EGLN1: variants seen among roughly 807,000 people sequenced by gnomAD.
EGLN1 encodes egl-9 family hypoxia inducible factor 1.
Under a neutral mutation model 38.3 loss-of-function variants are expected in EGLN1, and 17 were observed. The observed-to-expected ratio is 0.44, with a 90% CI of 0.30 to 0.67. The LOEUF is 0.67. Ranked by LOEUF, EGLN1 falls within the 30% of genes least tolerant of loss-of-function variation. EGLN1 has a pLI of 0.08. For missense variants in EGLN1, 477 were observed against 603.3 expected, an observed-to-expected ratio of 0.79 and a Z score of 2.19; for synonymous variants, 283 against 257.5, an observed-to-expected ratio of 1.10 and a Z score of -0.95.
chr1:231,406,330 A>G (rs1688794288), intron 1 of EGLN1, among the ~76,000 whole-genome samples: 1 of 152,094 alleles, frequency 6.6e-6, no homozygotes, highest in African/African-American at 2.4e-5. Flanking sequence ...TATTAGTGAT[A>G]AAGACTCTCA....
Position 231,421,015 on chromosome 1 carries a change from T to C in EGLN1, c.874A>G (p.Ile292Val). ...ACACTTACTTTCGTCCGGCCATTGA[T>C]TTTGTAGCTGCCCAGCTTCCCGTTA... ...HCNGKLGSYK[I>V]NGRTKAMVAC... Residue 292 changes from isoleucine to valine, a missense_variant, in exon 1 of 5, where the codon ATC (isoleucine) becomes GTC (valine). Physicochemically the swap from Ile to Val is conservative, Grantham distance 29. This residue lies in a region of EGLN1 where 119 missense variants were observed against 179.0 expected (regional missense o/e 0.66). Coordinates refer to ENST00000366641, the MANE Select transcript of EGLN1 (RefSeq NM_022051.3). The surrounding 1 kb of genome is among the most constrained non-coding windows in gnomAD (Gnocchi z 5.5). 6.2e-7 allele frequency: 1 copy of C among 1,613,804 alleles called. No individual in the cohort carries two copies. The highest frequency in any genetic ancestry group is 8.5e-7 in the Non-Finnish European group (1 of 1,179,974).
chr1:231,394,503 C>G (rs12747398), intron 1 of EGLN1, among the ~76,000 whole-genome samples: 1 of 149,428 alleles, frequency 6.7e-6, no homozygotes, highest in African/African-American at 2.5e-5. Context: ...CTCAGCCTCC[C>G]GAGTAGCTGG....
intron 2 of EGLN1, among the ~76,000 whole-genome samples, chr1:231,371,289 T>C (rs1462810249): frequency 6.6e-6 from 1 of 152,114 alleles, no homozygotes; most frequent in Non-Finnish European, 1.5e-5. Context: ...CTACTAAACG[T>C]TTATTTTTGT....
At chr1:231,379,694 A>T (rs1688034853) in intron 1 of EGLN1, among the ~76,000 whole-genome samples, 1 of 152,162 alleles carries the variant, frequency 6.6e-6, no homozygotes, top group Non-Finnish European at 1.5e-5. Flanking sequence ...CCAAAGATGC[A>T]CACATTGGGA....
chr1:231,372,552 T>C (rs1297754927), intron 2 of EGLN1, among the ~76,000 whole-genome samples: 1 of 152,224 alleles, frequency 6.6e-6, no homozygotes, highest in Non-Finnish European at 1.5e-5. Flanking sequence ...AAAGTCAATT[T>C]TTAAATTTTA....
chr1:231,366,293 T>G lies in EGLN1; in HGVS notation c.*118A>C. 8 of 1,163,792 alleles carry G rather than the reference T, an allele frequency of 6.9e-6. No individual in the cohort carries two copies. The highest frequency in any genetic ancestry group is 1.0e-5 in the Non-Finnish European group (8 of 788,648). The allele number at this position is 1,163,792 out of a possible 1,614,324, so 72.1% of individuals were successfully genotyped here. ...TGCAACACAAAAAGTTGTTTCTGTT[T>G]CCTTATTAAAATGCGAACTGGTTGT... On this transcript the variant is annotated 3_prime_UTR_variant, in exon 5 of 5. Transcript: ENST00000366641.
intron 2 of EGLN1, among the ~76,000 whole-genome samples, chr1:231,372,185 C>A (rs1021044413): frequency 6.6e-6 from 1 of 152,202 alleles, no homozygotes; most frequent in African/African-American, 2.4e-5. Context: ...TGCTCCATAG[C>A]AATCTGTCTT....
intron 1 of EGLN1, among the ~76,000 whole-genome samples, chr1:231,382,768 G>A (rs954150710): frequency 2.0e-5 from 3 of 152,264 alleles, no homozygotes; most frequent in Middle Eastern, 3.4e-3. Flanking sequence ...CATAAAAGGT[G>A]CTTGGCAGGC....
chr1:231,414,491 TAAAG>T (rs1689026099), intron 1 of EGLN1, among the ~76,000 whole-genome samples: 1 of 152,094 alleles, frequency 6.6e-6, no homozygotes, highest in Non-Finnish European at 1.5e-5. Flanking sequence ...CAGCTCCTAC[TAAAG>T]AAACAAGAGA....
Position 231,421,713 on chromosome 1 carries a change from T to A in EGLN1, c.176A>T (p.Gln59Leu). 6.6e-7 allele frequency: 1 copy of A among 1,524,716 alleles called. No individual in the cohort carries two copies. 94.4% of individuals were successfully genotyped at this position (1,524,716 alleles called of 1,614,324 possible). A position where few individuals can be genotyped will look rare whatever the true frequency, so the allele number is the denominator to read the frequency against. The change falls in exon 1 of 5, where the codon CAG (glutamine) becomes CTG (leucine). Residue 59 changes from glutamine to leucine, a missense_variant. Gln to Leu is a moderately radical substitution (Grantham distance 113). This residue lies in a region of EGLN1 where 298 missense variants were observed against 288.9 expected (regional missense o/e 1.03). Transcript: ENST00000366641. This position sits in a 1 kb window ranked among gnomAD's most constrained non-coding sequence, Gnocchi z 5.5. ...QDWKKHKLVC[Q>L]GSEGALGHGV... ...GTGGCCGAGGGCGCCCTCGCTGCCC[T>A]GGCACACGAGCTTGTGCTTCTTCCA...
In EGLN1 at chr1:231,367,563, G is replaced by A. The variant is rs376628693; in HGVS notation, c.1216+6C>T. On this transcript the variant is annotated splice_donor_region_variant and intron_variant, in intron 4 of 4. Coordinates refer to ENST00000366641, the MANE Select transcript of EGLN1 (RefSeq NM_022051.3). ...CCAATATATCCTGGCCCCAAATGAC[G>A]TTTACCTGTTAGATATTTTACTTTA... 31 of 1,613,774 alleles carry A rather than the reference G, an allele frequency of 1.9e-5. No homozygotes were observed. Among genetic ancestry groups the A allele is most frequent in the Non-Finnish European group, 2.3e-5 (27 of 1,179,860 alleles).
chr1:231,388,009 T>C (rs1022374029), intron 1 of EGLN1, among the ~76,000 whole-genome samples: 1 of 152,230 alleles, frequency 6.6e-6, no homozygotes, highest in African/African-American at 2.4e-5. Flanking sequence ...ATCAATATCA[T>C]TGTATGTAAA....
At chr1:231,394,003 A>G (rs1363256172) in intron 1 of EGLN1, among the ~76,000 whole-genome samples, 3 of 152,214 alleles carry the variant, frequency 2.0e-5, no homozygotes, top group Admixed American at 1.3e-4. Flanking sequence ...CAGGATATGT[A>G]GCCTTTTCAT....
intron 1 of EGLN1, among the ~76,000 whole-genome samples, chr1:231,382,174 G>A (rs1208419514): frequency 6.6e-6 from 1 of 152,180 alleles, no homozygotes; most frequent in Non-Finnish European, 1.5e-5. Context: ...AGCAGGTACT[G>A]CACTAGGCAT....
At chr1:231,381,177 G>C (rs143962593) in intron 1 of EGLN1, among the ~76,000 whole-genome samples, 79 of 152,230 alleles carry the variant, frequency 5.2e-4, no homozygotes, top group African/African-American at 1.8e-3. Context: ...AAAGTACTGG[G>C]ATTACAGGTG....
chr1:231,411,648 AC>A, intron 1 of EGLN1, among the ~76,000 whole-genome samples: 1 of 152,112 alleles, frequency 6.6e-6, no homozygotes, highest in Middle Eastern at 3.4e-3. Flanking sequence ...GTTTACCCAT[AC>A]TTTTGTGACC....
intron 1 of EGLN1, among the ~76,000 whole-genome samples, chr1:231,414,066 AT>A (rs954656828): frequency 2.7e-4 from 41 of 151,762 alleles, no homozygotes; most frequent in Non-Finnish European, 3.4e-4. Flanking sequence ...ATCTATATCA[AT>A]TTTTTTTTAG....
intron 1 of EGLN1, among the ~76,000 whole-genome samples, chr1:231,383,263 A>G (rs1228055468): frequency 6.6e-6 from 1 of 152,090 alleles, no homozygotes. Context: ...AGAGATTTGT[A>G]ACACTCATTT....
chr1:231,373,339 C>A (rs1459510669), intron 2 of EGLN1, among the ~76,000 whole-genome samples: 1 of 152,090 alleles, frequency 6.6e-6, no homozygotes, highest in Admixed American at 6.5e-5. Context: ...CATAGATAAT[C>A]TCCCCCAAAA....
Sources: gnomAD v4.1 joint callset for allele counts (sites outside exome capture counted in the v4.1 genomes callset) on GRCh38, gnomAD v4.1.1 for gene constraint, gnomAD v4.1.1 regional missense constraint, Gnocchi (gnomAD v3.1) non-coding constraint, MANE v1.5 for transcripts, NCBI Gene and HGNC (gene_info 2026-07-23, HGNC 2026-07-21) for gene names.